Variants in RHOU observed in about 807,000 individuals in gnomAD.
RHOU encodes rho-related GTP-binding protein RhoU.
Under a neutral mutation model 12.6 loss-of-function variants are expected in RHOU, and 8 were observed. The ratio of observed to expected loss-of-function variants is 0.64; its 90% CI spans 0.37 to 1.15. RHOU has a LOEUF of 1.15. Ranked by LOEUF, RHOU falls within the 50% of genes most tolerant of loss-of-function variation. RHOU has a pLI of 0.01. For synonymous variants in RHOU, 161 were observed against 147.4 expected (o/e 1.09, Z -0.67); for missense variants, 258 against 347.0 (o/e 0.74, Z 2.04).
Position 228,735,591 on chromosome 1 carries a change from TG to T in RHOU, c.-150del. 2.0e-6 allele frequency: 1 copy of T among 504,990 alleles called. No individual in the cohort carries two copies. The highest frequency in any genetic ancestry group is 2.9e-6 in the Non-Finnish European group (1 of 348,206). 31.3% of individuals were successfully genotyped at this position (504,990 alleles called of 1,614,324 possible). ...ACCCTCCCTGGCCGCCTTTGTCTACTGGCCGTGCGGCCCGGAACCGCCACTC... is the reference window on the plus strand; with the variant it reads ...ACCCTCCCTGGCCGCCTTTGTCTACTGCCGTGCGGCCCGGAACCGCCACTC... On this transcript the variant is annotated 5_prime_UTR_variant, in exon 1 of 3. Transcript: ENST00000366691. The surrounding 1 kb of genome is among the most constrained non-coding windows in gnomAD (Gnocchi z 8.1).
the RHOU span, among the ~76,000 whole-genome samples, chr1:228,655,242 T>C: frequency 6.6e-6 from 1 of 152,064 alleles, no homozygotes; most frequent in Non-Finnish European, 1.5e-5. Flanking sequence ...TAGCTGGGAT[T>C]ACAGGTACCC....
rs1337449007 is a variant in RHOU at position 228,738,560 on chromosome 1, A to T, written c.321+829A>T. Among the ~76,000 whole-genome samples the T allele has an allele frequency of 6.6e-6, 1 of 152,038 alleles. No individual in the cohort carries two copies. Among genetic ancestry groups the T allele is most frequent in the Non-Finnish European group, 1.5e-5 (1 of 67,996 alleles). The stretch of plus-strand genomic sequence containing the variant: ...GTAGGCAGGTGAAAGTGCCCCCTTC[A>T]CTTTCTGAGGTGCCATCACATGACT... On this transcript the variant is annotated intron_variant, in intron 2 of 2. Coordinates refer to ENST00000366691, the MANE Select transcript of RHOU (RefSeq NM_021205.6). The surrounding 1 kb of genome is among the most constrained non-coding windows in gnomAD (Gnocchi z 4.2).
the RHOU span, among the ~76,000 whole-genome samples, chr1:228,648,229 G>A: frequency 1.3e-5 from 2 of 152,236 alleles, no homozygotes; most frequent in East Asian, 3.8e-4. Context: ...TGGCCTCTTA[G>A]AGCCTTCCGT....
At chr1:228,712,869 AAAT>A in the RHOU span, among the ~76,000 whole-genome samples, 2,747 of 142,766 alleles carry the variant, frequency 0.019, 97 homozygotes, top group African/African-American at 0.069. Context: ...AAATAAAATA[AAAT>A]AAAATACCCA....
At chr1:228,727,385 G>A in the RHOU span, among the ~76,000 whole-genome samples, 1 of 151,988 alleles carries the variant, frequency 6.6e-6, no homozygotes, top group Admixed American at 6.6e-5. Flanking sequence ...TCAGCTCACT[G>A]CAACCTCTCT....
chr1:228,730,279 G>A, the RHOU span, among the ~76,000 whole-genome samples: 6 of 152,194 alleles, frequency 3.9e-5, no homozygotes, highest in African/African-American at 1.2e-4. Context: ...TTGGAGAAAA[G>A]CCAATAGTAA....
At chr1:228,698,367 T>C in the RHOU span, among the ~76,000 whole-genome samples, 1 of 152,234 alleles carries the variant, frequency 6.6e-6, no homozygotes, top group Non-Finnish European at 1.5e-5. Flanking sequence ...AAGCAGTCTG[T>C]TTGTTAATAC....
chr1:228,679,879 G>A, the RHOU span, among the ~76,000 whole-genome samples: 1 of 151,948 alleles, frequency 6.6e-6, no homozygotes, highest in East Asian at 1.9e-4. Flanking sequence ...CGGTAATGAG[G>A]TATGGCTGTA....
the RHOU span, among the ~76,000 whole-genome samples, chr1:228,675,571 A>G: frequency 0.13 from 20,417 of 152,252 alleles, 1,770 homozygotes; most frequent in South Asian, 0.22. Context: ...AATTTGCTTC[A>G]GTAATGTTTA....
the RHOU span, among the ~76,000 whole-genome samples, chr1:228,708,985 CA>C: frequency 6.6e-6 from 1 of 151,480 alleles, no homozygotes; most frequent in South Asian, 2.1e-4. Flanking sequence ...AAATGGAAAA[CA>C]AAAAAAGGAA....
chr1:228,683,911 C>T, the RHOU span, among the ~76,000 whole-genome samples: 3 of 152,180 alleles, frequency 2.0e-5, no homozygotes, highest in African/African-American at 7.2e-5. Context: ...TCCATGAGAA[C>T]CAGATCCTTA....
At chr1:228,656,133 C>G in the RHOU span, among the ~76,000 whole-genome samples, 1 of 152,144 alleles carries the variant, frequency 6.6e-6, no homozygotes, top group South Asian at 2.1e-4. Flanking sequence ...TCCATATTCA[C>G]TTTGCAATGC....
the RHOU span, among the ~76,000 whole-genome samples, chr1:228,705,119 T>A: frequency 6.6e-6 from 1 of 151,928 alleles, no homozygotes; most frequent in Non-Finnish European, 1.5e-5. Context: ...TTTTTTTTTT[T>A]AATGAGGGAA....
the RHOU span, among the ~76,000 whole-genome samples, chr1:228,654,464 A>G: frequency 5.9e-5 from 9 of 152,200 alleles, no homozygotes; most frequent in African/African-American, 2.2e-4. Context: ...CAGAAAGTTC[A>G]CTGACCACCT....
At chr1:228,707,211 A>G in the RHOU span, among the ~76,000 whole-genome samples, 3 of 118,842 alleles carry the variant, frequency 2.5e-5, no homozygotes, top group South Asian at 2.4e-4. Flanking sequence ...ATATACATAT[A>G]TATATACATA....
At chr1:228,662,868 C>A in the RHOU span, among the ~76,000 whole-genome samples, 1 of 152,068 alleles carries the variant, frequency 6.6e-6, no homozygotes, top group African/African-American at 2.4e-5. Context: ...AGGGGAATGG[C>A]AGAGATAAGT....
chr1:228,656,608 A>G, the RHOU span, among the ~76,000 whole-genome samples: 29 of 152,356 alleles, frequency 1.9e-4, no homozygotes, highest in African/African-American at 5.8e-4. Flanking sequence ...AAATTGGTAT[A>G]AATTCAAATT....
At chr1:228,666,355 A>G in the RHOU span, among the ~76,000 whole-genome samples, 5 of 152,202 alleles carry the variant, frequency 3.3e-5, no homozygotes, top group Non-Finnish European at 4.4e-5. Flanking sequence ...GTTTTGATAC[A>G]AATAATATCT....
At chr1:228,706,845 G>T in the RHOU span, among the ~76,000 whole-genome samples, 1 of 151,652 alleles carries the variant, frequency 6.6e-6, no homozygotes, top group Non-Finnish European at 1.5e-5. Context: ...TTATATCATT[G>T]ACTATCAAGA....
Sources: allele counts gnomAD v4.1 joint callset (sites outside exome capture counted in the v4.1 genomes callset), GRCh38; gene constraint gnomAD v4.1.1; non-coding constraint Gnocchi (gnomAD v3.1); transcripts MANE v1.5; gene names NCBI Gene and HGNC (gene_info 2026-07-23, HGNC 2026-07-21).